The following HMGCL variants were observed in gnomAD, a reference collection of about 807,000 sequenced individuals.
The protein encoded by HMGCL is hydroxymethylglutaryl-CoA lyase, mitochondrial.
In HMGCL, 26 loss-of-function variants were observed where a neutral mutation model predicts 37.3. The observed-to-expected ratio is 0.70, with a 90% CI of 0.51 to 0.97. The LOEUF (loss-of-function observed/expected upper bound fraction) is 0.97, where lower values mean the gene tolerates loss of function less well. Ranked by LOEUF, HMGCL falls within the 50% of genes least tolerant of loss-of-function variation. The probability of loss-of-function intolerance (pLI) is 0.00; values close to 1 mark genes in which losing one functional copy is unlikely to be tolerated. For synonymous variants in HMGCL, 151 were observed against 148.0 expected (o/e 1.02, Z -0.15); for missense variants, 379 against 398.1 (o/e 0.95, Z 0.41).
Position 23,825,361 on chromosome 1 carries a change from G to T in HMGCL, c.55C>A (p.Arg19=). 1 of 1,558,696 alleles carries T rather than the reference G, an allele frequency of 6.4e-7. No homozygotes were observed. Among genetic ancestry groups the T allele is most frequent in the Non-Finnish European group, 8.7e-7 (1 of 1,151,972 alleles). The change falls in exon 1 of 9, where the codon CGG becomes AGG. Residue 19 remains arginine, a synonymous_variant. Coordinates refer to ENST00000374490, the MANE Select transcript of HMGCL (RefSeq NM_000191.3). The stretch of plus-strand genomic sequence containing the variant: ...CGGCGGCTCGGGGCACTTACAGCCC[G>T]GAGGGACGCCAAGCCCACCAGTCGC... The part of the protein sequence containing the change: ...PRRLVGLASL[R]AVSTSSMGTL...
chr1:23,802,608 C>A, intron 8 of HMGCL, 44 bp from the exon 9 acceptor site: 1 of 1,213,396 alleles, frequency 8.2e-7, no homozygotes, highest in South Asian at 1.2e-5. Flanking sequence ...ATGGTATGCC[C>A]TCAACACCAG....
Position 23,806,972 on chromosome 1 carries a change from C to T in HMGCL, c.750+1163G>A, listed in dbSNP as rs866923426. 1.7e-5 allele frequency: 9 copies of T among 518,858 alleles called. No individual in the cohort carries two copies. The highest frequency in any genetic ancestry group is 5.8e-5 in the African/African-American group (3 of 52,064). The allele number at this position is 518,858 out of a possible 1,614,324, so 32.1% of individuals were successfully genotyped here. On this transcript the variant is annotated intron_variant, in intron 7 of 8. Transcript: ENST00000374490. The surrounding 1 kb of genome is among the most constrained non-coding windows in gnomAD (Gnocchi z 4.0). ...AACCTGGCACATCGATCCATATTTC[C>T]GAAGTAACTGATGGAAGAGGGAGGT...
intron 5 of HMGCL, among the ~76,000 whole-genome samples, chr1:23,812,614 C>T (rs1156816813): frequency 6.6e-6 from 1 of 152,258 alleles, no homozygotes; most frequent in South Asian, 2.1e-4. Flanking sequence ...CTTGGCCTCC[C>T]AAGGAAGGTT....
chr1:23,821,230 G>A (rs1450551401), intron 1 of HMGCL, among the ~76,000 whole-genome samples: 1 of 151,988 alleles, frequency 6.6e-6, no homozygotes, highest in Non-Finnish European at 1.5e-5. Context: ...GGTGGTGCAC[G>A]CCTGTAACTC....
At chr1:23,808,056 G>T in intron 7 of HMGCL, 79 bp downstream of exon 7, 1 of 1,338,628 alleles carries the variant, frequency 7.5e-7, no homozygotes, top group Non-Finnish European at 1.1e-6. Flanking sequence ...ATCAGTAAAT[G>T]TTTGCTGAAA....
intron 7 of HMGCL, among the ~76,000 whole-genome samples, chr1:23,807,704 AC>A (rs1638439063): frequency 6.6e-6 from 1 of 151,756 alleles, no homozygotes; most frequent in Non-Finnish European, 1.5e-5. Flanking sequence ...CACACTGAAA[AC>A]CCTGTATATT....
At chr1:23,809,240 T>TATATATATATATATATA (rs56844404) in intron 6 of HMGCL, 3 of 82,518 alleles carry the variant, frequency 3.6e-5, no homozygotes, top group African/African-American at 1.6e-4. Flanking sequence ...ATATATATAT[T>TATATATATATATATATA]TTTTTTTTTT....
rs1196130152 is a variant in HMGCL, at chr1:23,823,336, A to T, written c.60+2020T>A. ...TTAATATTTGCCAGGCACATACAAG[A>T]GCCATTTACATATTTATTTATTTAT... On this transcript the variant is annotated intron_variant, in intron 1 of 8. Transcript: ENST00000374490. Among the ~76,000 whole-genome samples, 8 of 142,632 alleles carry T rather than the reference A, an allele frequency of 5.6e-5. No individual in the cohort carries two copies. In the East Asian group the frequency reaches 1.6e-3, roughly 29 times the overall value. The allele number at this position is 142,632 out of a possible 152,430, so 93.6% of individuals were successfully genotyped here.
chr1:23,804,941 G>A (rs1263984908), intron 7 of HMGCL, among the ~76,000 whole-genome samples: 2 of 132,942 alleles, frequency 1.5e-5, no homozygotes, highest in Non-Finnish European at 3.1e-5. Flanking sequence ...CTTGCCACAC[G>A]AGGGCCACAT....
In HMGCL at chr1:23,806,834, A is replaced by T. The variant is rs1429797933; in HGVS notation, c.750+1301T>A. On this transcript the variant is annotated intron_variant, in intron 7 of 8. Transcript: ENST00000374490. This position sits in a 1 kb window ranked among gnomAD's most constrained non-coding sequence, Gnocchi z 4.0. ...TTTTAATAGGTGAATAAATGGTCTT[A>T]CAATGTGCTATTTACACGCCTGTAA... The T allele has an allele frequency of 2.5e-6, 1 of 403,856 alleles. No homozygotes were observed. Among genetic ancestry groups the T allele is most frequent in the African/African-American group, 2.1e-5 (1 of 48,432 alleles). The allele number at this position is 403,856 out of a possible 1,614,324, so 25.0% of individuals were successfully genotyped here.
chr1:23,818,093 C>T (rs2148424501), intron 2 of HMGCL, among the ~76,000 whole-genome samples: 1 of 152,312 alleles, frequency 6.6e-6, no homozygotes, highest in East Asian at 1.9e-4. Context: ...CAGCTTCCAA[C>T]CTTCCATTCT....
intron 5 of HMGCL, among the ~76,000 whole-genome samples, chr1:23,813,662 C>A (rs893074576): frequency 9.2e-5 from 14 of 152,290 alleles, no homozygotes; most frequent in African/African-American, 3.1e-4. Flanking sequence ...GGATAACCTA[C>A]TCCCTGCTGG....
chr1:23,824,949 C>T (rs756113089), intron 1 of HMGCL, among the ~76,000 whole-genome samples: 2 of 152,194 alleles, frequency 1.3e-5, no homozygotes, highest in Non-Finnish European at 2.9e-5. Context: ...GATAGTTCCC[C>T]AAGCATCTCT....
At position 23,808,271 on chromosome 1, in the gene HMGCL, G is replaced by T. The variant is rs1445870588; in HGVS notation, c.614C>A (p.Thr205Asn). 2 of 1,613,960 alleles carry T rather than the reference G, an allele frequency of 1.2e-6. No homozygotes were observed. The highest frequency in any genetic ancestry group is 2.7e-5 in the African/African-American group (2 of 74,900). Residue 205 changes from threonine to asparagine, a missense_variant, in exon 7 of 9, where the codon ACC becomes AAC. Physicochemically the swap from Thr to Asn is moderately conservative, Grantham distance 65 (BLOSUM62 0). Coordinates refer to ENST00000374490, the MANE Select transcript of HMGCL (RefSeq NM_000191.3). ...MGCYEISLGD[T>N]IGVGTPGIMK... ...GATCCCTGGGGTGCCCACACCAATG[G>T]TGTCCCCCAGGGAGATCTCGTAGCA... is the stretch of plus-strand genomic sequence containing the variant.
At chr1:23,817,417 G>C (rs1638630565) in intron 3 of HMGCL, 59 bp downstream of exon 3, 1 of 1,010,954 alleles carries the variant, frequency 9.9e-7, no homozygotes, top group Non-Finnish European at 1.6e-6. Context: ...TTGCTTCAAA[G>C]GCAAATGCAA....
At chr1:23,810,666 A>G in intron 6 of HMGCL, 70 bp downstream of exon 6, 1 of 1,301,494 alleles carries the variant, frequency 7.7e-7, no homozygotes, top group Non-Finnish European at 1.1e-6. Context: ...GGGGAGAGGA[A>G]CCTATGCGCT....
At chr1:23,808,393 G>A in intron 6 of HMGCL, 70 bp from the exon 7 acceptor site, 1 of 1,351,762 alleles carries the variant, frequency 7.4e-7, no homozygotes, top group Non-Finnish European at 1.1e-6. Flanking sequence ...CTCAGAAGAG[G>A]GGGCCTTTGC....
intron 1 of HMGCL, among the ~76,000 whole-genome samples, chr1:23,823,272 C>T (rs1395785476): frequency 3.3e-5 from 5 of 151,910 alleles, no homozygotes; most frequent in African/African-American, 1.2e-4. Flanking sequence ...CTTCCTTCCC[C>T]GTAACAGCTC....
chr1:23,820,250 G>A (rs1386091733), intron 2 of HMGCL, among the ~76,000 whole-genome samples: 1 of 151,788 alleles, frequency 6.6e-6, no homozygotes, highest in Non-Finnish European at 1.5e-5. Context: ...CAAACTCCTG[G>A]GCTCAAGCCA....
Sources: gnomAD v4.1 joint callset for allele counts (sites outside exome capture counted in the v4.1 genomes callset) on GRCh38, gnomAD v4.1.1 for gene constraint, Gnocchi (gnomAD v3.1) non-coding constraint, MANE v1.5 for transcripts, NCBI Gene and HGNC (gene_info 2026-07-23, HGNC 2026-07-21) for gene names.